Variants in CTTNBP2 observed in about 807,000 individuals in gnomAD.
The protein encoded by CTTNBP2 is cortactin binding protein 2.
Under a neutral mutation model 156.9 loss-of-function variants are expected in CTTNBP2, and 108 were observed. That is an observed-to-expected ratio of 0.69 (90% CI 0.59 to 0.81). The LOEUF is 0.81. Ranked by LOEUF, CTTNBP2 falls within the 30% of genes least tolerant of loss-of-function variation. The pLI is 0.00. For missense variants in CTTNBP2, 1,924 were observed against 2,035.4 expected (o/e 0.95, Z 1.05); for synonymous variants, 767 against 751.8 (o/e 1.02, Z -0.33).
chr7:117,763,247 G>A (rs962023378), intron 9 of CTTNBP2, among the ~76,000 whole-genome samples: 1 of 152,160 alleles, frequency 6.6e-6, no homozygotes, highest in African/African-American at 2.4e-5. Flanking sequence ...ACTGGCACAA[G>A]AGCAGCTCAA....
intron 2 of CTTNBP2, among the ~76,000 whole-genome samples, chr7:117,828,694 A>G (rs1801437931): frequency 6.6e-6 from 1 of 152,190 alleles, no homozygotes; most frequent in Non-Finnish European, 1.5e-5. Flanking sequence ...TCAACTATTT[A>G]TATTTCTGCT....
intron 2 of CTTNBP2, among the ~76,000 whole-genome samples, chr7:117,853,223 T>C (rs942304095): frequency 1.3e-5 from 2 of 152,166 alleles, no homozygotes; most frequent in African/African-American, 2.4e-5. Flanking sequence ...ATGGGATGGA[T>C]GGAGGTGGCT....
chr7:117,821,942 T>C (rs961530682), intron 2 of CTTNBP2, among the ~76,000 whole-genome samples: 3 of 152,130 alleles, frequency 2.0e-5, no homozygotes, highest in African/African-American at 7.2e-5. Context: ...TAATTTTTTC[T>C]TTTTAATACC....
At chr7:117,819,974 C>G (rs1211960887) in intron 2 of CTTNBP2, among the ~76,000 whole-genome samples, 1 of 152,196 alleles carries the variant, frequency 6.6e-6, no homozygotes, top group Non-Finnish European at 1.5e-5. Context: ...TCATGAAAGG[C>G]TTGGTTGCAC....
chr7:117,839,395 T>C (rs1802146893), intron 2 of CTTNBP2, among the ~76,000 whole-genome samples: 1 of 152,240 alleles, frequency 6.6e-6, no homozygotes, highest in Non-Finnish European at 1.5e-5. Context: ...CTTTAGTTCC[T>C]AAGCCCTGTG....
At position 117,810,935 on chromosome 7, in the gene CTTNBP2, C is replaced by T. The variant is rs1800238062; in HGVS notation, c.244G>A (p.Asp82Asn). ...QERYGRFNLN[D>N]PFLALQRDYE... ...TCTCTCTGGAGTGCCAGGAACGGGT[C>T]ATTTAGATTAAATCTCCCATACCGT... The change falls in exon 3 of 23, where the codon GAC (aspartate) becomes AAC (asparagine). Residue 82 changes from aspartate (D) to asparagine (N), a missense_variant. Physicochemically the swap from Asp to Asn is conservative, Grantham distance 23 (BLOSUM62 1). Coordinates refer to ENST00000160373, the MANE Select transcript of CTTNBP2 (RefSeq NM_033427.3). The T allele has an allele frequency of 6.2e-7, 1 of 1,613,936 alleles. No homozygotes were observed. The highest frequency in any genetic ancestry group is 8.5e-7 in the Non-Finnish European group (1 of 1,180,014).
At chr7:117,872,146 C>A in intron 1 of CTTNBP2, 1 of 168,716 alleles carries the variant, frequency 5.9e-6, no homozygotes, top group Non-Finnish European at 1.2e-5. Context: ...CCCCGTTTCT[C>A]CTTCCATTGC....
intron 8 of CTTNBP2, among the ~76,000 whole-genome samples, chr7:117,771,811 A>C (rs1053259454): frequency 6.6e-6 from 1 of 152,224 alleles, no homozygotes; most frequent in African/African-American, 2.4e-5. Context: ...AATAAAGTAC[A>C]TGCTCTCTAA....
At chr7:117,853,612 T>A (rs1584554844) in intron 2 of CTTNBP2, among the ~76,000 whole-genome samples, 1 of 152,142 alleles carries the variant, frequency 6.6e-6, no homozygotes, top group East Asian at 1.9e-4. Context: ...AAATGAACTG[T>A]TAATTAGACT....
chr7:117,804,456 T>C (rs910741045), intron 3 of CTTNBP2, among the ~76,000 whole-genome samples: 1 of 152,116 alleles, frequency 6.6e-6, no homozygotes, highest in Non-Finnish European at 1.5e-5. Flanking sequence ...AACTGAAAAG[T>C]CCTAACTCAT....
intron 2 of CTTNBP2, among the ~76,000 whole-genome samples, chr7:117,812,514 C>G (rs1184102766): frequency 6.6e-6 from 1 of 151,898 alleles, no homozygotes; most frequent in East Asian, 1.9e-4. Flanking sequence ...TCTAACATTT[C>G]TTTCCTTATC....
intron 4 of CTTNBP2, among the ~76,000 whole-genome samples, chr7:117,790,526 T>C (rs890843385): frequency 1.2e-4 from 18 of 151,128 alleles, no homozygotes; most frequent in Non-Finnish European, 1.9e-4. Context: ...CAGCACTAAA[T>C]AGGGTACATG....
intron 2 of CTTNBP2, among the ~76,000 whole-genome samples, chr7:117,814,184 C>T (rs1476904950): frequency 1.3e-5 from 2 of 150,818 alleles, no homozygotes; most frequent in African/African-American, 4.9e-5. Context: ...GAGGTAAATA[C>T]ATATATCACA....
chr7:117,857,724 T>C (rs1803423885), intron 2 of CTTNBP2, among the ~76,000 whole-genome samples: 1 of 152,044 alleles, frequency 6.6e-6, no homozygotes, highest in Admixed American at 6.6e-5. Flanking sequence ...TCCTTCACAG[T>C]TGAATAGCAG....
intron 16 of CTTNBP2, among the ~76,000 whole-genome samples, chr7:117,728,950 C>T (rs919872427): frequency 1.8e-4 from 28 of 152,202 alleles, no homozygotes; most frequent in African/African-American, 5.8e-4. Context: ...CACTTTCTAC[C>T]GTCAGCCAGG....
At chr7:117,818,875 G>A (rs1424281022) in intron 2 of CTTNBP2, among the ~76,000 whole-genome samples, 2 of 152,104 alleles carry the variant, frequency 1.3e-5, no homozygotes, top group Admixed American at 1.3e-4. Context: ...GAATTTTTAA[G>A]GGTCAAAGCT....
At chr7:117,810,626 T>C in intron 3 of CTTNBP2, 139 bp downstream of exon 3, 2 of 698,696 alleles carry the variant, frequency 2.9e-6, no homozygotes, top group Admixed American at 2.3e-5. Flanking sequence ...GCTTAAAGAA[T>C]CTGTCAGCCT....
At chr7:117,780,625 C>T in intron 6 of CTTNBP2, 34 bp from the exon 7 acceptor site, 1 of 1,461,956 alleles carries the variant, frequency 6.8e-7, no homozygotes, top group Admixed American at 2.3e-5. Flanking sequence ...TACATAAAAC[C>T]TGGGTTTGAC....
At chr7:117,830,197 C>T (rs748507862) in intron 2 of CTTNBP2, among the ~76,000 whole-genome samples, 28 of 152,168 alleles carry the variant, frequency 1.8e-4, no homozygotes, top group Non-Finnish European at 3.7e-4. Flanking sequence ...GTTAAAATGA[C>T]TCTAAAAATA....
Sources: gnomAD v4.1 joint callset for allele counts (sites outside exome capture counted in the v4.1 genomes callset) on GRCh38, gnomAD v4.1.1 for gene constraint, MANE v1.5 for transcripts, NCBI Gene and HGNC (gene_info 2026-07-23, HGNC 2026-07-21) for gene names.